CALCR: variants seen among roughly 807,000 people sequenced by gnomAD.
The protein encoded by CALCR is calcitonin receptor.
A neutral mutation model predicts 59.5 loss-of-function variants in CALCR; 47 were observed. That is an observed-to-expected ratio of 0.79 (90% CI 0.63 to 1.01). The LOEUF is 1.01. Ranked by LOEUF, CALCR falls within the 50% of genes least tolerant of loss-of-function variation. CALCR has a pLI of 0.00. For missense variants in CALCR, 566 were observed against 597.1 expected, an observed-to-expected ratio of 0.95 and a Z score of 0.54; for synonymous variants, 213 against 211.3, an observed-to-expected ratio of 1.01 and a Z score of -0.07.
rs533621884 is a variant in CALCR at position 93,425,341 on chromosome 7, C to CT, written c.*1014dup. On this transcript the variant is annotated 3_prime_UTR_variant, in exon 14 of 14. Coordinates refer to ENST00000426151, the MANE Select transcript of CALCR (RefSeq NM_001742.4). The stretch of plus-strand genomic sequence containing the variant: ...TGGAAAAGCCTGAGCTCTTTTTAAG[C>CT]TTTGAAGCTGGGTGGAAAGCAGTTA... 15 of 152,558 alleles carry CT rather than the reference C, an allele frequency of 9.8e-5. No homozygotes were observed. Among genetic ancestry groups the CT allele is most frequent in the Non-Finnish European group, 2.1e-4 (14 of 68,012 alleles). The allele number at this position is 152,558 out of a possible 1,614,324, so 9.5% of individuals were successfully genotyped here. A position where few individuals can be genotyped will look rare whatever the true frequency, so the allele number is the denominator to read the frequency against.
At chr7:93,432,906 A>G (rs17165430) in intron 13 of CALCR, among the ~76,000 whole-genome samples, 33,076 of 152,200 alleles carry the variant, frequency 0.22, 4,021 homozygotes, top group East Asian at 0.39. Flanking sequence ...ATTCTAAAAA[A>G]TATTAAAATT....
At chr7:93,572,667 AG>A (rs1366053694) in intron 2 of CALCR, among the ~76,000 whole-genome samples, 1 of 152,218 alleles carries the variant, frequency 6.6e-6, no homozygotes, top group African/African-American at 2.4e-5. Flanking sequence ...ACTAATAGTT[AG>A]CTCCCTTTCT....
At chr7:93,495,700 AC>A (rs1390945082) in intron 2 of CALCR, among the ~76,000 whole-genome samples, 1 of 151,312 alleles carries the variant, frequency 6.6e-6, no homozygotes, top group Non-Finnish European at 1.5e-5. Flanking sequence ...ATATCTTTTA[AC>A]CACTTTTTTC....
At chr7:93,531,964 G>A (rs1354303593) in intron 2 of CALCR, among the ~76,000 whole-genome samples, 1 of 151,548 alleles carries the variant, frequency 6.6e-6, no homozygotes, top group African/African-American at 2.4e-5. Flanking sequence ...TCATGAATGT[G>A]ATTAACATAT....
chr7:93,500,093 T>C (rs1801290733), intron 2 of CALCR, among the ~76,000 whole-genome samples: 1 of 151,884 alleles, frequency 6.6e-6, no homozygotes, highest in Non-Finnish European at 1.5e-5. Flanking sequence ...CTGAATGATT[T>C]ATTTTAAATC....
intron 8 of CALCR, among the ~76,000 whole-genome samples, chr7:93,444,379 C>A (rs947419330): frequency 6.6e-6 from 1 of 152,054 alleles, no homozygotes; most frequent in East Asian, 1.9e-4. Context: ...AGGAGCCACA[C>A]CCTTGGAAGA....
intron 2 of CALCR, among the ~76,000 whole-genome samples, chr7:93,538,021 T>G (rs900408480): frequency 1.3e-5 from 2 of 152,032 alleles, no homozygotes; most frequent in Admixed American, 1.3e-4. Context: ...CATGTGCCTT[T>G]TAAAAGAAAT....
intron 2 of CALCR, among the ~76,000 whole-genome samples, chr7:93,497,347 G>T (rs940810368): frequency 1.3e-5 from 2 of 151,582 alleles, no homozygotes; most frequent in African/African-American, 4.8e-5. Context: ...CTTGCATTAT[G>T]TGTATACATC....
At chr7:93,528,609 G>T (rs1788743289) in intron 2 of CALCR, among the ~76,000 whole-genome samples, 1 of 152,068 alleles carries the variant, frequency 6.6e-6, no homozygotes, top group African/African-American at 2.4e-5. Context: ...AAGCCCTAAG[G>T]CATCATTCTC....
chr7:93,471,036 TG>T (rs1708996808), intron 6 of CALCR, among the ~76,000 whole-genome samples: 1 of 151,306 alleles, frequency 6.6e-6, no homozygotes, highest in Admixed American at 6.6e-5. Context: ...TTTGGTTTTT[TG>T]TTCTTGCGAT....
intron 11 of CALCR, among the ~76,000 whole-genome samples, chr7:93,437,077 A>T (rs1799796944): frequency 1.3e-5 from 2 of 152,060 alleles, no homozygotes; most frequent in South Asian, 4.1e-4. Context: ...TAGTCATGAA[A>T]TTAATAAGAA....
At chr7:93,454,679 T>C (rs1425363842) in intron 8 of CALCR, among the ~76,000 whole-genome samples, 11 of 151,774 alleles carry the variant, frequency 7.2e-5, no homozygotes. Context: ...CAAATAACAA[T>C]GGGCAATTTT....
intron 2 of CALCR, among the ~76,000 whole-genome samples, chr7:93,555,458 T>A (rs1368532206): frequency 6.6e-6 from 1 of 152,142 alleles, no homozygotes; most frequent in Non-Finnish European, 1.5e-5. Context: ...AGGAAAGGAC[T>A]AGGGTTAGCA....
At chr7:93,441,790 A>C (rs958521006) in intron 9 of CALCR, among the ~76,000 whole-genome samples, 1 of 152,110 alleles carries the variant, frequency 6.6e-6, no homozygotes, top group Non-Finnish European at 1.5e-5. Context: ...CAGTTCACAA[A>C]GACCCCTTTC....
At chr7:93,528,202 T>C (rs1256736310) in intron 2 of CALCR, among the ~76,000 whole-genome samples, 1 of 152,212 alleles carries the variant, frequency 6.6e-6, no homozygotes. Context: ...TACACTCATT[T>C]ATGCATTACC....
At chr7:93,564,423 A>G (rs1178623267) in intron 2 of CALCR, among the ~76,000 whole-genome samples, 1 of 152,130 alleles carries the variant, frequency 6.6e-6, no homozygotes, top group African/African-American at 2.4e-5. Flanking sequence ...AACACATTTG[A>G]TCAAAGAACA....
intron 2 of CALCR, among the ~76,000 whole-genome samples, chr7:93,497,277 T>A (rs1232715025): frequency 6.6e-6 from 1 of 151,658 alleles, no homozygotes; most frequent in Non-Finnish European, 1.5e-5. Context: ...TTTTACATCA[T>A]CATGCTAACT....
chr7:93,500,434 T>A lies in CALCR; in HGVS notation c.-26-13427A>T, dbSNP rs543319676. On this transcript the variant is annotated intron_variant, in intron 2 of 13. Transcript: ENST00000426151. ...GGTGTTGTTCAACGTATTTAACAAT[T>A]GTTGCCACTGCAACATCCACCAATT... 3.3e-5 allele frequency among the ~76,000 whole-genome samples: 5 copies of A among 152,098 alleles called. No homozygotes were observed. In the East Asian group the frequency reaches 9.7e-4, roughly 30 times the overall value.
At chr7:93,526,834 G>A (rs746336799) in intron 2 of CALCR, among the ~76,000 whole-genome samples, 1 of 151,936 alleles carries the variant, frequency 6.6e-6, no homozygotes, top group South Asian at 2.1e-4. Context: ...TCTTTTAAAG[G>A]AGAGTCTATG....
Sources: gnomAD v4.1 joint callset for allele counts (sites outside exome capture counted in the v4.1 genomes callset) on GRCh38, gnomAD v4.1.1 for gene constraint, MANE v1.5 for transcripts, NCBI Gene and HGNC (gene_info 2026-07-23, HGNC 2026-07-21) for gene names.